Variants in PKNOX2 observed in about 807,000 individuals in gnomAD.
PKNOX2 encodes PBX/knotted 1 homeobox 2.
Under a neutral mutation model 53.1 loss-of-function variants are expected in PKNOX2, and 14 were observed. The ratio of observed to expected loss-of-function variants is 0.26; its 90% CI spans 0.17 to 0.41. The LOEUF is 0.41. Among genes scored for constraint, PKNOX2 ranks in the 10% least tolerant of loss-of-function variants. PKNOX2 has a pLI of 1.00. For missense variants in PKNOX2, 496 were observed against 602.8 expected, an observed-to-expected ratio of 0.82 and a Z score of 1.85; for synonymous variants, 257 against 242.8, an observed-to-expected ratio of 1.06 and a Z score of -0.54.
chr11:125,364,286 G>T (rs1043334875), intron 4 of PKNOX2, among the ~76,000 whole-genome samples: 5 of 152,134 alleles, frequency 3.3e-5, no homozygotes, highest in African/African-American at 1.2e-4. Context: ...TGCTGACTTG[G>T]CCCCCATGAG....
At chr11:125,386,713 A>AACACAC (rs3138544) in intron 6 of PKNOX2, among the ~76,000 whole-genome samples, 9,550 of 141,036 alleles carry the variant, frequency 0.068, 472 homozygotes, top group African/African-American at 0.13. Context: ...GAAGAAAAAG[A>AACACAC]ACACACACAC....
chr11:125,275,075 A>G (rs1946067126), intron 2 of PKNOX2, among the ~76,000 whole-genome samples: 1 of 152,238 alleles, frequency 6.6e-6, no homozygotes, highest in African/African-American at 2.4e-5. Flanking sequence ...AGGATTTCAT[A>G]TTCTAAGTAG....
intron 2 of PKNOX2, among the ~76,000 whole-genome samples, chr11:125,296,172 C>T (rs780892901): frequency 9.2e-5 from 14 of 152,280 alleles, no homozygotes; most frequent in Non-Finnish European, 1.5e-4. Flanking sequence ...CCCTTCTTCT[C>T]AGCCTTTTTT....
At chr11:125,393,115 G>C (rs1261738767) in intron 6 of PKNOX2, among the ~76,000 whole-genome samples, 2 of 148,796 alleles carry the variant, frequency 1.3e-5, no homozygotes, top group African/African-American at 5.0e-5. Flanking sequence ...AGTCGAGATC[G>C]CGCCACTGCA....
chr11:125,308,528 G>A (rs1948604579), intron 2 of PKNOX2, among the ~76,000 whole-genome samples: 1 of 152,216 alleles, frequency 6.6e-6, no homozygotes, highest in South Asian at 2.1e-4. Context: ...TCCCCGGAAT[G>A]CAGGGCCAGA....
intron 2 of PKNOX2, among the ~76,000 whole-genome samples, chr11:125,291,851 T>C (rs192758687): frequency 6.6e-6 from 1 of 152,306 alleles, no homozygotes; most frequent in East Asian, 1.9e-4. Flanking sequence ...ATATGAAATA[T>C]CTAGAATAGA....
rs1036674666 is a variant in PKNOX2 at position 125,166,086 on chromosome 11, G to T, written c.-201+1310G>T. On this transcript the variant is annotated intron_variant, in intron 1 of 12. Coordinates refer to ENST00000298282, the MANE Select transcript of PKNOX2 (RefSeq NM_001382323.2). The surrounding 1 kb of genome is among the most constrained non-coding windows in gnomAD (Gnocchi z 4.0). Reference sequence around the variant, plus strand: ...GACCAGTCTAGAGTTCGGTTTATAGGATCCAGACTGTTTACGGAATCGGGA... The same window carrying T: ...GACCAGTCTAGAGTTCGGTTTATAGTATCCAGACTGTTTACGGAATCGGGA... 2.6e-5 allele frequency among the ~76,000 whole-genome samples: 4 copies of T among 152,082 alleles called. No individual in the cohort carries two copies. The highest frequency in any genetic ancestry group is 2.6e-4 in the Admixed American group (4 of 15,274).
intron 10 of PKNOX2, among the ~76,000 whole-genome samples, chr11:125,419,165 C>T (rs538617445): frequency 6.8e-4 from 103 of 152,038 alleles, no homozygotes; most frequent in Middle Eastern, 3.4e-3. Context: ...TTTCACCACC[C>T]CCTCTACCTA....
intron 4 of PKNOX2, among the ~76,000 whole-genome samples, chr11:125,354,516 G>A (rs772552232): frequency 2.0e-5 from 3 of 152,162 alleles, no homozygotes; most frequent in Non-Finnish European, 2.9e-5. Flanking sequence ...GAAGCGAGAC[G>A]CAGAGCCCTT....
chr11:125,326,383 G>A (rs1219044298), intron 2 of PKNOX2, among the ~76,000 whole-genome samples: 1 of 152,200 alleles, frequency 6.6e-6, no homozygotes, highest in Non-Finnish European at 1.5e-5. Context: ...TGAGGCAGTG[G>A]CAGCCTGGAC....
intron 6 of PKNOX2, among the ~76,000 whole-genome samples, chr11:125,394,094 C>G (rs1030662077): frequency 6.6e-6 from 1 of 152,170 alleles, no homozygotes; most frequent in Non-Finnish European, 1.5e-5. Flanking sequence ...ATGGGCTTAA[C>G]ACAGTGCCTG....
intron 2 of PKNOX2, among the ~76,000 whole-genome samples, chr11:125,245,746 G>A (rs1943512206): frequency 6.6e-6 from 1 of 152,184 alleles, no homozygotes; most frequent in African/African-American, 2.4e-5. Flanking sequence ...GAAGTTTGAG[G>A]AGTGAAGGAG....
intron 2 of PKNOX2, among the ~76,000 whole-genome samples, chr11:125,298,441 G>A (rs547312074): frequency 2.0e-5 from 3 of 152,236 alleles, no homozygotes; most frequent in Admixed American, 6.5e-5. Context: ...CTCACCCCTC[G>A]GCCTGGCCAC....
At chr11:125,202,129 AG>A (rs35352694) in intron 1 of PKNOX2, among the ~76,000 whole-genome samples, 4 of 152,134 alleles carry the variant, frequency 2.6e-5, no homozygotes, top group African/African-American at 7.2e-5. Flanking sequence ...GGGGAAGGAG[AG>A]GGGGAAAGTT....
intron 1 of PKNOX2, among the ~76,000 whole-genome samples, chr11:125,167,204 CG>C (rs976005973): frequency 3.3e-5 from 1 of 30,322 alleles, no homozygotes; most frequent in Non-Finnish European, 7.2e-5. Context: ...GGGGTGGGAG[CG>C]GGGGGGAGGA....
intron 6 of PKNOX2, among the ~76,000 whole-genome samples, chr11:125,386,842 C>T (rs1204152509): frequency 6.7e-6 from 1 of 148,786 alleles, no homozygotes; most frequent in Non-Finnish European, 1.5e-5. Flanking sequence ...GAATATGTGA[C>T]TGTATGGAGT....
At chr11:125,384,228 A>T (rs772754317) in intron 5 of PKNOX2, among the ~76,000 whole-genome samples, 3 of 152,246 alleles carry the variant, frequency 2.0e-5, no homozygotes, top group Admixed American at 6.5e-5. Context: ...ACATATAGTG[A>T]TAAATAAGGT....
Position 125,367,875 on chromosome 11 carries a change from G to C in PKNOX2, c.117G>C (p.Lys39Asn). ...CGGCAACCGCCCAGCCACCCTCCAA[G>C]GCCCAGGCTGTCCACATCTCTGCCC... ...QMTATAQPPS[K>N]AQAVHISAPS... Residue 39 changes from lysine (K) to asparagine (N), a missense_variant, in exon 5 of 13, where the codon AAG (lysine) becomes AAC (asparagine). This residue lies in a region of PKNOX2 where 168 missense variants were observed against 178.4 expected (regional missense o/e 0.94). Transcript: ENST00000298282. 7 of 1,613,272 alleles carry C rather than the reference G, an allele frequency of 4.3e-6. No individual in the cohort carries two copies. Among genetic ancestry groups the C allele is most frequent in the Non-Finnish European group, 5.9e-6 (7 of 1,179,828 alleles).
chr11:125,293,786 C>T (rs551062025), intron 2 of PKNOX2, among the ~76,000 whole-genome samples: 55 of 150,266 alleles, frequency 3.7e-4, no homozygotes, highest in African/African-American at 1.0e-3. Flanking sequence ...GACACAGACA[C>T]GCTCACACAC....
Sources: gnomAD v4.1 joint callset for allele counts (sites outside exome capture counted in the v4.1 genomes callset) on GRCh38, gnomAD v4.1.1 for gene constraint, gnomAD v4.1.1 regional missense constraint, Gnocchi (gnomAD v3.1) non-coding constraint, MANE v1.5 for transcripts, NCBI Gene and HGNC (gene_info 2026-07-23, HGNC 2026-07-21) for gene names.